The following DCLK1 variants were observed in gnomAD, a reference collection of about 807,000 sequenced individuals.
DCLK1 encodes the protein doublecortin like kinase 1, also known as serine/threonine-protein kinase DCLK1.
DCLK1 carries 16 observed loss-of-function variants against 86.2 expected under a neutral mutation model. That is an observed-to-expected ratio of 0.19 (90% confidence interval 0.13 to 0.28). The LOEUF (loss-of-function observed/expected upper bound fraction) is 0.28, where lower values mean the gene tolerates loss of function less well. DCLK1 is among the 10% of genes least tolerant of loss of function. The probability of loss-of-function intolerance (pLI) is 1.00; values close to 1 mark genes in which losing one functional copy is unlikely to be tolerated. For synonymous variants in DCLK1, 369 were observed against 370.5 expected, an observed-to-expected ratio of 1.00 and a Z score of 0.05; for missense variants, 590 against 940.2, an observed-to-expected ratio of 0.63 and a Z score of 4.87.
chr13:36,006,606 G>A (rs914092968), intron 3 of DCLK1, among the ~76,000 whole-genome samples: 4 of 152,122 alleles, frequency 2.6e-5, no homozygotes, highest in African/African-American at 9.7e-5. Flanking sequence ...GGGAAAGGAG[G>A]GGGCGCAGCC....
intron 8 of DCLK1, among the ~76,000 whole-genome samples, chr13:35,833,402 T>C (rs1317059573): frequency 6.6e-6 from 1 of 152,262 alleles, no homozygotes; most frequent in East Asian, 1.9e-4. Context: ...GAGTTTGCTA[T>C]GGGGCCTCAA....
In DCLK1 at chr13:36,023,277, T is replaced by A. The variant is rs373479548; in HGVS notation, c.724-75820A>T. 4.6e-5 allele frequency among the ~76,000 whole-genome samples: 7 copies of A among 152,266 alleles called. No individual in the cohort carries two copies. The South Asian group carries it at 8.3e-4, about 18-fold the overall frequency. ...GAGACTGGCACGTTCAAATCTGCAG[T>A]GTATGGGCTGGCAGGCAGAGACCCT... On this transcript the variant is annotated intron_variant, in intron 3 of 16. Coordinates refer to ENST00000360631, the MANE Select transcript of DCLK1 (RefSeq NM_001330071.2).
In DCLK1 at chr13:35,916,562, T is replaced by A. The variant is rs182938068; in HGVS notation, c.823+30796A>T. On this transcript the variant is annotated intron_variant, in intron 4 of 16. Transcript: ENST00000360631. ...CATCTTCTGATCCTGCCCTTCTCCT[T>A]TGTTCTTTTTATCTCTTTCTTTTCT... 3.5e-3 allele frequency among the ~76,000 whole-genome samples: 537 copies of A among 152,274 alleles called. 11 individuals are homozygous for A. Among genetic ancestry groups the A allele is most frequent in the Non-Finnish European group, 1.4e-3 (97 of 68,004 alleles).
rs142486068 is a variant in DCLK1 at position 35,982,281 on chromosome 13, G to A, written c.724-34824C>T. Among the ~76,000 whole-genome samples the A allele has an allele frequency of 6.8e-3, 1,041 of 152,020 alleles. 10 individuals are homozygous for A. Among genetic ancestry groups the A allele is most frequent in the Middle Eastern group, 0.021 (6 of 292 alleles). ...TGTAATCCCCTTGCTTTGGGAGGCCGAGGCAGGAGGATCACTTGAGCCCAG... is the reference window on the plus strand; with the variant it reads ...TGTAATCCCCTTGCTTTGGGAGGCCAAGGCAGGAGGATCACTTGAGCCCAG... On this transcript the variant is annotated intron_variant, in intron 3 of 16. Coordinates refer to ENST00000360631, the MANE Select transcript of DCLK1 (RefSeq NM_001330071.2).
At chr13:35,818,694 G>A (rs2087324919) in intron 11 of DCLK1, among the ~76,000 whole-genome samples, 1 of 152,080 alleles carries the variant, frequency 6.6e-6, no homozygotes. Flanking sequence ...ACCTGCCCAG[G>A]TCCTTGAAAG....
intron 3 of DCLK1, among the ~76,000 whole-genome samples, chr13:36,044,092 T>C (rs983132079): frequency 2.6e-5 from 4 of 152,162 alleles, no homozygotes; most frequent in Admixed American, 6.6e-5. Context: ...TGAGTTCACA[T>C]GCAATATGGT....
chr13:35,850,364 A>G (rs1226936029), intron 6 of DCLK1: 18 of 1,003,192 alleles, frequency 1.8e-5, no homozygotes, highest in Non-Finnish European at 2.1e-5. Context: ...TAAGAAGAAA[A>G]CTCCATCTGC....
At chr13:35,885,649 A>G (rs1469780066) in intron 4 of DCLK1, among the ~76,000 whole-genome samples, 1 of 152,222 alleles carries the variant, frequency 6.6e-6, no homozygotes, top group African/African-American at 2.4e-5. Flanking sequence ...ATTGATGGGT[A>G]GCACAAATGT....
intron 3 of DCLK1, among the ~76,000 whole-genome samples, chr13:36,069,729 C>A (rs539178678): frequency 1.4e-4 from 21 of 152,268 alleles, no homozygotes; most frequent in African/African-American, 4.8e-4. Flanking sequence ...TTTGGAATTG[C>A]CTCTAAATGT....
At chr13:36,095,389 T>C (rs972794567) in intron 3 of DCLK1, among the ~76,000 whole-genome samples, 1 of 151,982 alleles carries the variant, frequency 6.6e-6, no homozygotes, top group Admixed American at 6.6e-5. Context: ...GCATTTTTAG[T>C]AGAGACGGGT....
At chr13:36,095,974 T>C (rs578257743) in intron 3 of DCLK1, among the ~76,000 whole-genome samples, 1 of 152,332 alleles carries the variant, frequency 6.6e-6, no homozygotes, top group African/African-American at 2.4e-5. Context: ...ATCACTATTT[T>C]ATTTAATTTC....
chr13:36,018,141 G>C (rs948005631), intron 3 of DCLK1, among the ~76,000 whole-genome samples: 1 of 152,110 alleles, frequency 6.6e-6, no homozygotes, highest in Admixed American at 6.5e-5. Context: ...GGAACTTAAT[G>C]TGTTAGAGTG....
At chr13:35,963,651 T>C (rs1296067038) in intron 3 of DCLK1, among the ~76,000 whole-genome samples, 3 of 152,212 alleles carry the variant, frequency 2.0e-5, no homozygotes, top group African/African-American at 7.2e-5. Flanking sequence ...AATGGTAATC[T>C]TCAGGTGTTT....
rs1370351549 is a variant in DCLK1 at position 35,958,258 on chromosome 13, C to G, written c.724-10801G>C. Among the ~76,000 whole-genome samples, 261 of 83,122 alleles carry G rather than the reference C, an allele frequency of 3.1e-3. 17 individuals are homozygous for G. The highest frequency in any genetic ancestry group is 0.011 in the African/African-American group (225 of 20,864). The allele number at this position is 83,122 out of a possible 152,430, so 54.5% of individuals were successfully genotyped here. On this transcript the variant is annotated intron_variant, in intron 3 of 16. Transcript: ENST00000360631. ...ACCATCATCACCACCACCACTACCA[C>G]TACTATAACCATTACCACCATCACT...
chr13:35,935,122 T>G (rs939817898), intron 4 of DCLK1, among the ~76,000 whole-genome samples: 1 of 152,048 alleles, frequency 6.6e-6, no homozygotes, highest in Non-Finnish European at 1.5e-5. Flanking sequence ...AATGAGGCAA[T>G]ATGAGCAAAA....
At chr13:35,895,176 C>T (rs549581660) in intron 4 of DCLK1, among the ~76,000 whole-genome samples, 7 of 151,894 alleles carry the variant, frequency 4.6e-5, no homozygotes, top group Admixed American at 2.6e-4. Context: ...CGATCTCAAG[C>T]GATTCTCCCA....
intron 16 of DCLK1, 23 bp from the exon 17 acceptor site, chr13:35,774,722 A>C: frequency 6.2e-7 from 1 of 1,606,628 alleles, no homozygotes; most frequent in Non-Finnish European, 8.5e-7. Flanking sequence ...TAAAATGAGA[A>C]AGAGGACAAT....
chr13:36,025,307 T>C (rs1881986081), intron 3 of DCLK1, among the ~76,000 whole-genome samples: 1 of 152,160 alleles, frequency 6.6e-6, no homozygotes, highest in Admixed American at 6.5e-5. Context: ...GGTAATTTAA[T>C]GGAGAAGGAA....
At position 36,042,454 on chromosome 13, in the gene DCLK1, C is replaced by T. The variant is rs189215810; in HGVS notation, c.723+69415G>A. 1.7e-3 allele frequency among the ~76,000 whole-genome samples: 258 copies of T among 152,296 alleles called. 1 individual carries two copies. Among genetic ancestry groups the T allele is most frequent in the African/African-American group, 5.9e-3 (247 of 41,568 alleles). On this transcript the variant is annotated intron_variant, in intron 3 of 16. Transcript: ENST00000360631. ...CCCACCAATGAAACATTCTCCACCT[C>T]CTATCCACAATACAACCATTGTTCT...
Sources: allele counts gnomAD v4.1 joint callset (sites outside exome capture counted in the v4.1 genomes callset), GRCh38; gene constraint gnomAD v4.1.1; transcripts MANE v1.5; gene names NCBI Gene and HGNC (gene_info 2026-07-23, HGNC 2026-07-21).